Variants in PDE4D observed in about 807,000 individuals in gnomAD.
PDE4D encodes phosphodiesterase 4D.
In PDE4D, 24 loss-of-function variants were observed where a neutral mutation model predicts 87.4. The observed-to-expected ratio is 0.27, with a 90% CI of 0.20 to 0.39. PDE4D has a LOEUF of 0.39. PDE4D is among the 10% of genes least tolerant of loss of function. The pLI is 1.00. For synonymous variants in PDE4D, 384 were observed against 383.2 expected (o/e 1.00, Z -0.02); for missense variants, 714 against 1,041.0 (o/e 0.69, Z 4.32).
intron 1 of PDE4D, among the ~76,000 whole-genome samples, chr5:59,832,143 AT>A (rs1366984862): frequency 6.6e-6 from 1 of 152,114 alleles, no homozygotes. Flanking sequence ...ATCAAATGGC[AT>A]TAGGCAGTTC....
At chr5:59,187,436 A>T (rs1222539795) in intron 3 of PDE4D, among the ~76,000 whole-genome samples, 1 of 152,190 alleles carries the variant, frequency 6.6e-6, no homozygotes, top group Non-Finnish European at 1.5e-5. Context: ...AAGACGCAAT[A>T]GAAACAGATT....
At chr5:60,013,648 C>T (rs1198093346) in intron 2 of PDE4D, among the ~76,000 whole-genome samples, 2 of 152,212 alleles carry the variant, frequency 1.3e-5, no homozygotes, top group African/African-American at 4.8e-5. Context: ...TACCAAACTA[C>T]TCTGTGTGAG....
At chr5:59,199,141 C>T (rs1746153173) in intron 2 of PDE4D, among the ~76,000 whole-genome samples, 1 of 152,152 alleles carries the variant, frequency 6.6e-6, no homozygotes, top group South Asian at 2.1e-4. Context: ...CATTAGTGGC[C>T]ATGTAAGACC....
At position 59,246,578 on chromosome 5, in the gene PDE4D, T is replaced by C. The variant is rs1758885933; in HGVS notation, c.456-30610A>G. 6.6e-5 allele frequency among the ~76,000 whole-genome samples: 10 copies of C among 152,232 alleles called. No homozygotes were observed. The South Asian group carries it at 2.1e-3, about 32-fold the overall frequency. ...TCTGATGTAAAAACATATCACCAGA[T>C]GGGGACTCTGTTAATCTTATGCGAT... is the stretch of plus-strand genomic sequence containing the variant. On this transcript the variant is annotated intron_variant, in intron 1 of 14. Coordinates refer to ENST00000340635, the MANE Select transcript of PDE4D (RefSeq NM_001104631.2).
intron 1 of PDE4D, among the ~76,000 whole-genome samples, chr5:59,300,384 T>G (rs1769983556): frequency 6.6e-6 from 1 of 152,098 alleles, no homozygotes; most frequent in African/African-American, 2.4e-5. Flanking sequence ...CATGTGTGTG[T>G]GTACCTGACT....
At chr5:59,000,499 C>G (rs2968013) in intron 6 of PDE4D, among the ~76,000 whole-genome samples, 127,858 of 152,092 alleles carry the variant, frequency 0.84, 53,808 homozygotes, top group Admixed American at 0.9. Context: ...CACCTGTGTG[C>G]CATGGCTGCT....
intron 1 of PDE4D, among the ~76,000 whole-genome samples, chr5:59,603,807 A>T (rs1827833318): frequency 6.6e-6 from 1 of 152,000 alleles, no homozygotes; most frequent in South Asian, 2.1e-4. Context: ...TTTCAGTTAG[A>T]TAAGAAAAAT....
intron 6 of PDE4D, among the ~76,000 whole-genome samples, chr5:59,033,967 CAAGTT>C (rs1209887805): frequency 9.2e-5 from 14 of 152,096 alleles, no homozygotes; most frequent in African/African-American, 3.4e-4. Context: ...ACAACAGAGA[CAAGTT>C]AAGATTTGTT....
chr5:59,019,137 G>A (rs1463858039), intron 6 of PDE4D, among the ~76,000 whole-genome samples: 1 of 151,980 alleles, frequency 6.6e-6, no homozygotes, highest in Admixed American at 6.6e-5. Flanking sequence ...TTCAGGTTTA[G>A]AATTTCATGC....
chr5:59,479,832 TGAAAA>T (rs995304108), intron 1 of PDE4D, among the ~76,000 whole-genome samples: 22 of 152,218 alleles, frequency 1.4e-4, no homozygotes, highest in African/African-American at 5.1e-4. Context: ...GACAATGTCA[TGAAAA>T]GAAGTTTATT....
rs1000860581 is a variant in PDE4D, at chr5:59,112,200, A to C, written c.808+68395T>G. On this transcript the variant is annotated intron_variant, in intron 5 of 14. Coordinates refer to ENST00000340635, the MANE Select transcript of PDE4D (RefSeq NM_001104631.2). ...CACTTCATGCAGCACCAAGGTCTTA[A>C]AATGGAAGTGTGACTGATGTGCTTG... is the stretch of plus-strand genomic sequence containing the variant. 2.0e-5 allele frequency among the ~76,000 whole-genome samples: 3 copies of C among 152,136 alleles called. No individual in the cohort carries two copies. In the South Asian group the frequency reaches 6.2e-4, roughly 32 times the overall value.
chr5:59,077,265 TG>T (rs1765842858), intron 5 of PDE4D, among the ~76,000 whole-genome samples: 1 of 152,198 alleles, frequency 6.6e-6, no homozygotes, highest in Admixed American at 6.6e-5. Flanking sequence ...ATTGGAGAAT[TG>T]GAGTTTTAAA....
chr5:59,173,277 G>A (rs1783300990), intron 5 of PDE4D, among the ~76,000 whole-genome samples: 1 of 152,022 alleles, frequency 6.6e-6, no homozygotes, highest in Admixed American at 6.6e-5. Context: ...ATCAATTCCT[G>A]GTCAAAAAGC....
intron 5 of PDE4D, among the ~76,000 whole-genome samples, chr5:59,071,683 CTTTTTTTTTTTT>C (rs10701223): frequency 2.4e-5 from 2 of 82,406 alleles, no homozygotes; most frequent in Non-Finnish European, 4.3e-5. Context: ...TATTTCTCTT[CTTTTTTTTTTTT>C]TTTTTTTTTG....
At chr5:60,240,235 T>A (rs778192030) in intron 1 of PDE4D, among the ~76,000 whole-genome samples, 2 of 152,072 alleles carry the variant, frequency 1.3e-5, no homozygotes, top group South Asian at 2.1e-4. Context: ...GGGAGCAAGA[T>A]GGTGGAATAG....
In PDE4D at chr5:59,875,434, C is replaced by T. The variant is rs894003854; in HGVS notation, c.455+17734G>A. On this transcript the variant is annotated intron_variant, in intron 1 of 14. Transcript: ENST00000340635. ...CGAGATTGCGCCACTGCACTCCAGC[C>T]TCGTGACCAAGTGAGACCTCCGTCT... 3.0e-5 allele frequency among the ~76,000 whole-genome samples: 4 copies of T among 131,448 alleles called. No homozygotes were observed. The East Asian group carries it at 8.9e-4, about 29-fold the overall frequency. 86.2% of individuals were successfully genotyped at this position (131,448 alleles called of 152,430 possible).
chr5:60,333,095 A>G (rs751191348), intron 1 of PDE4D, among the ~76,000 whole-genome samples: 118 of 152,226 alleles, frequency 7.8e-4, no homozygotes, highest in Non-Finnish European at 1.4e-3. Flanking sequence ...ACCCTGATAT[A>G]TTCTCCTTGT....
intron 5 of PDE4D, among the ~76,000 whole-genome samples, chr5:59,060,536 T>A (rs879806848): frequency 6.6e-6 from 1 of 152,136 alleles, no homozygotes; most frequent in Non-Finnish European, 1.5e-5. Context: ...TCTATAAAAA[T>A]TTTTTAAATT....
At chr5:59,079,402 T>C (rs1766275641) in intron 5 of PDE4D, among the ~76,000 whole-genome samples, 1 of 152,106 alleles carries the variant, frequency 6.6e-6, no homozygotes, top group African/African-American at 2.4e-5. Flanking sequence ...AAAATGTTAT[T>C]TCATTCTAAT....
Sources: gnomAD v4.1 joint callset for allele counts (sites outside exome capture counted in the v4.1 genomes callset) on GRCh38, gnomAD v4.1.1 for gene constraint, MANE v1.5 for transcripts, NCBI Gene and HGNC (gene_info 2026-07-23, HGNC 2026-07-21) for gene names.